Variants in SUMF1 observed in about 807,000 individuals in gnomAD.
SUMF1 encodes the protein sulfatase modifying factor 1.
In SUMF1, 48 loss-of-function variants were observed where a neutral mutation model predicts 47.6. That is an observed-to-expected ratio of 1.01 (90% CI 0.80 to 1.28). The LOEUF (loss-of-function observed/expected upper bound fraction) is 1.28, where lower values mean the gene tolerates loss of function less well. Ranked by LOEUF, SUMF1 falls within the 50% of genes most tolerant of loss-of-function variation. SUMF1 has a pLI of 0.00. For missense variants in SUMF1, 571 were observed against 485.4 expected, an observed-to-expected ratio of 1.18 and a Z score of -1.66; for synonymous variants, 230 against 192.1, an observed-to-expected ratio of 1.20 and a Z score of -1.63.
At chr3:4,284,969 A>C (rs1697603648) in intron 8 of SUMF1, among the ~76,000 whole-genome samples, 1 of 152,134 alleles carries the variant, frequency 6.6e-6, no homozygotes, top group African/African-American at 2.4e-5. Flanking sequence ...TTTCACCCCC[A>C]TTTATAATAA....
intron 8 of SUMF1, among the ~76,000 whole-genome samples, chr3:4,173,492 A>G (rs1242351926): frequency 2.0e-5 from 3 of 152,192 alleles, no homozygotes; most frequent in Non-Finnish European, 4.4e-5. Context: ...AGGATCTAGA[A>G]CAGAAATACC....
At chr3:4,303,589 G>T in intron 8 of SUMF1, 2 of 1,377,476 alleles carry the variant, frequency 1.5e-6, no homozygotes, top group East Asian at 3.1e-5. Context: ...GTCTCCTCAA[G>T]CCGCCTCGCT....
rs142712577 is a variant in SUMF1, at chr3:4,098,916, G to A, written c.1015-30171C>T. Reference sequence around the variant, plus strand: ...ATATGCCAATAAAATGTTAACATTCGAGACTCATTAAGCAGATTTGTAGCA... The same window carrying A: ...ATATGCCAATAAAATGTTAACATTCAAGACTCATTAAGCAGATTTGTAGCA... On this transcript the variant is annotated intron_variant and NMD_transcript_variant, in intron 8 of 12. Transcript: ENST00000448413. Among the ~76,000 whole-genome samples the A allele has an allele frequency of 1.2e-3, 186 of 152,202 alleles. 1 individual carries two copies. Among genetic ancestry groups the A allele is most frequent in the Middle Eastern group, 3.4e-3 (1 of 294 alleles).
At chr3:4,263,335 C>T (rs114063907) in intron 8 of SUMF1, among the ~76,000 whole-genome samples, 2,936 of 152,194 alleles carry the variant, frequency 0.019, 45 homozygotes, top group Non-Finnish European at 0.031. Flanking sequence ...TCTAAATCCA[C>T]GAGCATGATT....
chr3:4,083,288 AGTTAATACCCT>A (rs1692604919), intron 8 of SUMF1, among the ~76,000 whole-genome samples: 1 of 152,168 alleles, frequency 6.6e-6, no homozygotes, highest in Admixed American at 6.5e-5. Context: ...ATGACATTTG[AGTTAATACCCT>A]GTCCTTTTTC....
chr3:4,308,323 G>A (rs866538441), intron 8 of SUMF1, among the ~76,000 whole-genome samples: 13 of 152,244 alleles, frequency 8.5e-5, no homozygotes, highest in African/African-American at 2.2e-4. Flanking sequence ...TATTGAACAC[G>A]TACATGCTAA....
chr3:4,318,526 T>C (rs1397680034), intron 8 of SUMF1, among the ~76,000 whole-genome samples: 1 of 152,170 alleles, frequency 6.6e-6, no homozygotes, highest in Non-Finnish European at 1.5e-5. Context: ...TATCCTAAGA[T>C]ATGGAACAAG....
In SUMF1 at chr3:4,440,277, T is replaced by C. The variant is rs1214714651; in HGVS notation, c.519+8989A>G. Among the ~76,000 whole-genome samples the C allele has an allele frequency of 2.0e-5, 3 of 151,734 alleles. No homozygotes were observed. In the East Asian group the frequency reaches 5.8e-4, roughly 29 times the overall value. The stretch of plus-strand genomic sequence containing the variant: ...AAAAAAAAAAAAAGATACTGAGCTA[T>C]TTATCTGACTTACATGTGTTTTGAG... On this transcript the variant is annotated intron_variant, in intron 3 of 8. Coordinates refer to ENST00000272902, the MANE Select transcript of SUMF1 (RefSeq NM_182760.4).
intron 8 of SUMF1, among the ~76,000 whole-genome samples, chr3:4,238,443 T>A (rs1168368049): frequency 6.6e-6 from 1 of 152,164 alleles, no homozygotes; most frequent in South Asian, 2.1e-4. Context: ...CATCTGTTGT[T>A]TCCTGACTTT....
At position 4,456,719 on chromosome 3, in the gene SUMF1, T is replaced by C. The variant is rs1467679391; in HGVS notation, c.271-3670A>G. On this transcript the variant is annotated intron_variant, in intron 1 of 8. Coordinates refer to ENST00000272902, the MANE Select transcript of SUMF1 (RefSeq NM_182760.4). ...ATATATATATACGTATATATATACATATATATACGTGTGTATATATACACA... is the reference window on the plus strand; with the variant it reads ...ATATATATATACGTATATATATACACATATATACGTGTGTATATATACACA... 6.1e-4 allele frequency among the ~76,000 whole-genome samples: 82 copies of C among 134,314 alleles called. 1 individual carries two copies. The highest frequency in any genetic ancestry group is 1.3e-3 in the South Asian group (6 of 4,576). The allele number at this position is 134,314 out of a possible 152,430, so 88.1% of individuals were successfully genotyped here. A position where few individuals can be genotyped will look rare whatever the true frequency, so the allele number is the denominator to read the frequency against.
At chr3:4,349,289 A>G (rs1458997214) in intron 8 of SUMF1, among the ~76,000 whole-genome samples, 1 of 152,226 alleles carries the variant, frequency 6.6e-6, no homozygotes, top group Non-Finnish European at 1.5e-5. Flanking sequence ...ATGAGATACC[A>G]TTTCACGCCA....
At chr3:4,070,987 G>A (rs549764907) in intron 8 of SUMF1, among the ~76,000 whole-genome samples, 1 of 152,030 alleles carries the variant, frequency 6.6e-6, no homozygotes, top group Non-Finnish European at 1.5e-5. Flanking sequence ...TTGGTAGACT[G>A]TGTGCATATC....
intron 3 of SUMF1, among the ~76,000 whole-genome samples, chr3:4,431,310 T>C (rs1041357853): frequency 9.9e-5 from 15 of 152,252 alleles, no homozygotes; most frequent in African/African-American, 3.6e-4. Flanking sequence ...TCACTAATTT[T>C]ACATATACCT....
At chr3:4,310,494 T>C (rs1259867349) in intron 8 of SUMF1, among the ~76,000 whole-genome samples, 1 of 152,176 alleles carries the variant, frequency 6.6e-6, no homozygotes, top group Non-Finnish European at 1.5e-5. Context: ...AGTGATTATA[T>C]CCATCACGGG....
intron 8 of SUMF1, among the ~76,000 whole-genome samples, chr3:4,335,675 T>C (rs1054307436): frequency 1.4e-4 from 21 of 152,088 alleles, no homozygotes; most frequent in African/African-American, 4.8e-4. Flanking sequence ...CCAGGCACAG[T>C]GGCTCACACC....
In SUMF1 at chr3:4,211,103, C is replaced by CATATATATATATATATATATATATATAT. The variant is rs3046240; in HGVS notation, c.1015-142359_1015-142358insATATATATATATATATATATATATATAT. 9.9e-4 allele frequency among the ~76,000 whole-genome samples: 90 copies of CATATATATATATATATATATATATATAT among 91,348 alleles called. 1 individual carries two copies. Among genetic ancestry groups the CATATATATATATATATATATATATATAT allele is most frequent in the Non-Finnish European group, 1.4e-3 (66 of 46,360 alleles). The allele number at this position is 91,348 out of a possible 152,430, so 59.9% of individuals were successfully genotyped here. ...GAGTTAATACTCCTTAATAAACTCC[C>CATATATATATATATATATATATATATAT]ATATATATATATATATATACACACA... On this transcript the variant is annotated intron_variant and NMD_transcript_variant, in intron 8 of 12. Coordinates refer to the SUMF1 transcript ENST00000448413.
At chr3:4,281,862 T>C (rs907007549) in intron 8 of SUMF1, among the ~76,000 whole-genome samples, 10 of 152,192 alleles carry the variant, frequency 6.6e-5, no homozygotes, top group Non-Finnish European at 4.4e-5. Flanking sequence ...TATTTTTATA[T>C]TCTTTTGAGT....
intron 8 of SUMF1, among the ~76,000 whole-genome samples, chr3:4,260,334 C>A (rs1219603624): frequency 1.3e-5 from 2 of 152,142 alleles, no homozygotes; most frequent in African/African-American, 2.4e-5. Flanking sequence ...ATAAAACAGC[C>A]TAGTGTTCTA....
At chr3:4,449,559 G>A (rs749268323) in intron 2 of SUMF1, among the ~76,000 whole-genome samples, 1 of 152,172 alleles carries the variant, frequency 6.6e-6, no homozygotes, top group Non-Finnish European at 1.5e-5. Context: ...GACTCACTTA[G>A]CTGATAAGAA....
Sources: allele counts gnomAD v4.1 joint callset (sites outside exome capture counted in the v4.1 genomes callset), GRCh38; gene constraint gnomAD v4.1.1; transcripts MANE v1.5; gene names NCBI Gene and HGNC (gene_info 2026-07-23, HGNC 2026-07-21).